Variants in TRDN observed in about 807,000 individuals in gnomAD.
The protein encoded by TRDN is triadin in skeletal muscle.
A neutral mutation model predicts 149.7 loss-of-function variants in TRDN; 161 were observed. The observed-to-expected ratio is 1.08, with a 90% CI of 0.95 to 1.23. TRDN has a LOEUF of 1.23. Ranked by LOEUF, TRDN falls within the 50% of genes most tolerant of loss-of-function variation. TRDN has a pLI of 0.00. For synonymous variants in TRDN, 294 were observed against 250.5 expected (o/e 1.17, Z -1.64); for missense variants, 896 against 823.5 (o/e 1.09, Z -1.08).
At chr6:123,259,551 T>C in intron 35 of TRDN, 73 bp downstream of exon 35, 1 of 951,466 alleles carries the variant, frequency 1.1e-6, no homozygotes, top group South Asian at 1.5e-5. Flanking sequence ...TCATATAATT[T>C]GTATAAATTT....
chr6:123,506,582 G>A (rs546988942), intron 7 of TRDN, among the ~76,000 whole-genome samples: 184 of 151,818 alleles, frequency 1.2e-3, no homozygotes, highest in African/African-American at 4.3e-3. Flanking sequence ...TCTGCCTCCC[G>A]GGTTCAAGCA....
At chr6:123,379,889 C>A (rs970754638) in intron 16 of TRDN, among the ~76,000 whole-genome samples, 9 of 152,068 alleles carry the variant, frequency 5.9e-5, no homozygotes, top group African/African-American at 2.2e-4. Context: ...TTTCCCTTAA[C>A]CATAATTAAA....
At chr6:123,565,352 T>C (rs1174135394) in intron 2 of TRDN, among the ~76,000 whole-genome samples, 1 of 152,164 alleles carries the variant, frequency 6.6e-6, no homozygotes, top group African/African-American at 2.4e-5. Flanking sequence ...CATTCTTCTT[T>C]GAGGAGAGAA....
Position 123,585,250 on chromosome 6 carries a change from T to C in TRDN, c.23-14118A>G, listed in dbSNP as rs1783400942. Among the ~76,000 whole-genome samples, 3 of 151,680 alleles carry C rather than the reference T, an allele frequency of 2.0e-5. No homozygotes were observed. In the South Asian group the frequency reaches 6.3e-4, roughly 32 times the overall value. ...ATAGTCAGGGAAGCAGATAATTTAG[T>C]TAAAGTGTCTCGGCCTAATAGGGAA... is the stretch of plus-strand genomic sequence containing the variant. On this transcript the variant is annotated intron_variant, in intron 1 of 40. Transcript: ENST00000334268.
chr6:123,298,197 A>G lies in TRDN; in HGVS notation c.1510+18260T>C, dbSNP rs564289244. Among the ~76,000 whole-genome samples, 171 of 152,208 alleles carry G rather than the reference A, an allele frequency of 1.1e-3. 2 individuals carry two copies. The highest frequency in any genetic ancestry group is 2.1e-3 in the Non-Finnish European group (140 of 67,968). On this transcript the variant is annotated intron_variant, in intron 24 of 40. Transcript: ENST00000334268. ...AAACCGGGGATTGGGACTAGGTTCTAATAATGAAACTAGCCATCTCTATTG... is the reference window on the plus strand; with the variant it reads ...AAACCGGGGATTGGGACTAGGTTCTGATAATGAAACTAGCCATCTCTATTG...
At chr6:123,607,769 A>G (rs954098793) in intron 1 of TRDN, among the ~76,000 whole-genome samples, 4 of 151,600 alleles carry the variant, frequency 2.6e-5, no homozygotes, top group Non-Finnish European at 4.4e-5. Flanking sequence ...CTGTTAAGCT[A>G]TTTCATGGCT....
intron 4 of TRDN, among the ~76,000 whole-genome samples, chr6:123,538,211 TA>T (rs1200501680): frequency 6.6e-6 from 1 of 152,134 alleles, no homozygotes; most frequent in Admixed American, 6.6e-5. Context: ...CTTCTTACAT[TA>T]TTTCCCATTT....
chr6:123,325,223 C>T (rs1320920622), intron 23 of TRDN, among the ~76,000 whole-genome samples: 1 of 152,002 alleles, frequency 6.6e-6, no homozygotes, highest in African/African-American at 2.4e-5. Flanking sequence ...GCATAAAAAT[C>T]TTGGCTAATC....
At chr6:123,542,803 G>T (rs1347391681) in intron 4 of TRDN, among the ~76,000 whole-genome samples, 3 of 150,656 alleles carry the variant, frequency 2.0e-5, no homozygotes, top group African/African-American at 7.3e-5. Flanking sequence ...TTGGGTTTTC[G>T]CTCTCTCTCT....
intron 33 of TRDN, among the ~76,000 whole-genome samples, chr6:123,261,113 C>G (rs903743086): frequency 6.6e-6 from 1 of 151,256 alleles, no homozygotes; most frequent in African/African-American, 2.4e-5. Flanking sequence ...AAGTACCTAC[C>G]AAGTTAAAAA....
Position 123,513,480 on chromosome 6 carries a change from A to G in TRDN, c.551-1118T>C, listed in dbSNP as rs117034391. Among the ~76,000 whole-genome samples the G allele has an allele frequency of 7.2e-5, 11 of 152,010 alleles. No homozygotes were observed. In the East Asian group the frequency reaches 9.7e-4, roughly 13 times the overall value. On this transcript the variant is annotated intron_variant, in intron 6 of 40. Coordinates refer to ENST00000334268, the MANE Select transcript of TRDN (RefSeq NM_006073.4). ...AACATTTAGCTACTGTAAAGTTTGG[A>G]AAAAAAATCACAAGAAATAGCAGAT...
At chr6:123,589,679 T>C (rs1406494948) in intron 1 of TRDN, among the ~76,000 whole-genome samples, 1 of 152,208 alleles carries the variant, frequency 6.6e-6, no homozygotes, top group Non-Finnish European at 1.5e-5. Context: ...TAGATTCTAT[T>C]TTATTACCTG....
At chr6:123,282,999 T>C (rs2114634898) in intron 24 of TRDN, among the ~76,000 whole-genome samples, 1 of 151,946 alleles carries the variant, frequency 6.6e-6, no homozygotes, top group South Asian at 2.1e-4. Context: ...AATTTTATAA[T>C]GCAAAAGGAA....
chr6:123,343,054 A>G (rs1253082798), intron 21 of TRDN, among the ~76,000 whole-genome samples: 1 of 152,066 alleles, frequency 6.6e-6, no homozygotes, highest in African/African-American at 2.4e-5. Context: ...CCATTTTCCA[A>G]TTTGTAATCT....
intron 38 of TRDN, among the ~76,000 whole-genome samples, chr6:123,251,869 A>G: frequency 6.6e-6 from 1 of 151,980 alleles, no homozygotes; most frequent in Non-Finnish European, 1.5e-5. Context: ...TCCATTCCTA[A>G]CTATGCTGTT....
intron 21 of TRDN, among the ~76,000 whole-genome samples, chr6:123,345,168 T>C (rs1258169081): frequency 6.6e-6 from 1 of 152,030 alleles, no homozygotes; most frequent in Admixed American, 6.6e-5. Context: ...AATTTTATAG[T>C]TTTATGTTTT....
At chr6:123,588,547 G>T (rs1353550509) in intron 1 of TRDN, among the ~76,000 whole-genome samples, 1 of 152,114 alleles carries the variant, frequency 6.6e-6, no homozygotes. Context: ...TTTACAAAAT[G>T]AATAAAAATC....
At chr6:123,239,411 T>C (rs1415562941) in intron 38 of TRDN, among the ~76,000 whole-genome samples, 1 of 152,182 alleles carries the variant, frequency 6.6e-6, no homozygotes, top group Non-Finnish European at 1.5e-5. Context: ...AAGCTTGATT[T>C]AACGGCTATA....
intron 1 of TRDN, among the ~76,000 whole-genome samples, chr6:123,612,328 G>A (rs1397124428): frequency 6.7e-6 from 1 of 150,068 alleles, no homozygotes; most frequent in Non-Finnish European, 1.5e-5. Context: ...GTTAATGGGT[G>A]CAGCACACCA....
Sources: allele counts gnomAD v4.1 joint callset (sites outside exome capture counted in the v4.1 genomes callset), GRCh38; gene constraint gnomAD v4.1.1; transcripts MANE v1.5; gene names NCBI Gene and HGNC (gene_info 2026-07-23, HGNC 2026-07-21).